Variants in MROH9 observed in about 807,000 individuals in gnomAD.
MROH9 encodes the protein maestro heat-like repeat-containing protein family member 9.
MROH9 carries 92 observed loss-of-function variants against 98.2 expected under a neutral mutation model. The observed-to-expected ratio is 0.94, with a 90% CI of 0.79 to 1.11. The LOEUF (loss-of-function observed/expected upper bound fraction) is 1.11, where lower values mean the gene tolerates loss of function less well. MROH9 is among the 50% of genes most tolerant of loss of function. MROH9 has a pLI of 0.00. For missense variants in MROH9, 1,057 were observed against 1,014.8 expected, an observed-to-expected ratio of 1.04 and a Z score of -0.57; for synonymous variants, 397 against 368.9, an observed-to-expected ratio of 1.08 and a Z score of -0.87.
intron 20 of MROH9, among the ~76,000 whole-genome samples, chr1:171,029,212 T>C (rs1246839943): frequency 6.6e-6 from 1 of 152,080 alleles, no homozygotes; most frequent in East Asian, 1.9e-4. Flanking sequence ...TCTAGTTTAT[T>C]AAGAGGGTTT....
chr1:171,033,599 A>C (rs866024427), intron 20 of MROH9, among the ~76,000 whole-genome samples: 2 of 152,110 alleles, frequency 1.3e-5, no homozygotes, highest in Non-Finnish European at 2.9e-5. Flanking sequence ...GTCAGTTCTG[A>C]TGAGAAAACC....
At chr1:171,026,983 A>G (rs986496316) in intron 20 of MROH9, among the ~76,000 whole-genome samples, 1 of 152,204 alleles carries the variant, frequency 6.6e-6, no homozygotes, top group African/African-American at 2.4e-5. Flanking sequence ...ACAACCAGCA[A>G]AAGAGAAAAT....
At chr1:171,024,360 ATAT>A (rs769293640) in intron 17 of MROH9, 32 bp from the exon 18 acceptor site, 7 of 1,544,250 alleles carry the variant, frequency 4.5e-6, no homozygotes, top group Non-Finnish European at 6.1e-6. Flanking sequence ...AAAAGCCCTA[ATAT>A]TATCCTCAAA....
intron 3 of MROH9, among the ~76,000 whole-genome samples, chr1:170,951,883 G>T (rs1326263205): frequency 6.6e-6 from 1 of 152,114 alleles, no homozygotes; most frequent in Non-Finnish European, 1.5e-5. Context: ...GCAGAAGCTG[G>T]CTCTTTTGCT....
At chr1:170,995,337 G>T in intron 12 of MROH9, 52 bp from the exon 13 acceptor site, 3 of 1,603,394 alleles carry the variant, frequency 1.9e-6, no homozygotes, top group Non-Finnish European at 1.7e-6. Flanking sequence ...AAGGTTGACC[G>T]GGTTTAGAGA....
chr1:170,964,514 C>T (rs902259166), intron 6 of MROH9, among the ~76,000 whole-genome samples: 6 of 152,020 alleles, frequency 3.9e-5, no homozygotes, highest in South Asian at 4.1e-4. Flanking sequence ...CTATTAATGG[C>T]GATTGGCATA....
intron 20 of MROH9, among the ~76,000 whole-genome samples, chr1:171,059,448 A>C (rs1394652423): frequency 6.6e-6 from 1 of 152,242 alleles, no homozygotes; most frequent in African/African-American, 2.4e-5. Flanking sequence ...GTGGGAATGT[A>C]GATTAGTTCA....
intron 20 of MROH9, among the ~76,000 whole-genome samples, chr1:171,049,396 G>A (rs1653581879): frequency 6.6e-6 from 1 of 152,148 alleles, no homozygotes; most frequent in Admixed American, 6.5e-5. Flanking sequence ...GCAGTTGTGA[G>A]GGAGAACACA....
At chr1:171,058,359 A>G (rs1450100890) in intron 20 of MROH9, among the ~76,000 whole-genome samples, 1 of 152,064 alleles carries the variant, frequency 6.6e-6, no homozygotes, top group African/African-American at 2.4e-5. Context: ...AAAAAAAAAA[A>G]AAGGAAAAAC....
At chr1:170,957,787 A>ATTTTTTTTTTTTTTTTTTTTT (rs1372647484) in intron 3 of MROH9, among the ~76,000 whole-genome samples, 1 of 128,002 alleles carries the variant, frequency 7.8e-6, no homozygotes, top group Non-Finnish European at 1.7e-5. Context: ...CCCTGCTGGC[A>ATTTTTTTTTTTTTTTTTTTTT]TTTTTTTGTT....
intron 1 of MROH9, 44 bp from the exon 2 acceptor site, chr1:170,945,475 AG>A: frequency 7.1e-7 from 1 of 1,408,740 alleles, no homozygotes; most frequent in East Asian, 2.3e-5. Context: ...ACAAAACTGT[AG>A]GAAAGTTTCT....
chr1:170,977,961 C>T (rs1650779508), intron 8 of MROH9, among the ~76,000 whole-genome samples: 1 of 152,134 alleles, frequency 6.6e-6, no homozygotes, highest in Non-Finnish European at 1.5e-5. Flanking sequence ...GACAGACTGG[C>T]CCCCTTTCTC....
intron 7 of MROH9, among the ~76,000 whole-genome samples, chr1:170,969,208 A>G (rs1650343379): frequency 6.6e-6 from 1 of 152,188 alleles, no homozygotes; most frequent in Non-Finnish European, 1.5e-5. Context: ...TGAACAAATA[A>G]AATCTAACAC....
rs1226192596 is a variant in MROH9 at position 171,016,310 on chromosome 1, T to A, written c.1882T>A (p.Ser628Thr). The A allele has an allele frequency of 8.5e-6, 13 of 1,533,520 alleles. No individual in the cohort carries two copies. The highest frequency in any genetic ancestry group is 4.1e-5 in the Admixed American group (2 of 48,306). The allele number at this position is 1,533,520 out of a possible 1,614,324, so 95.0% of individuals were successfully genotyped here. A position where few individuals can be genotyped will look rare whatever the true frequency, so the allele number is the denominator to read the frequency against. ...CTACTCTTTGGGTACCAGAATTGGT[T>A]CCAGCTACTGTACTCTGATGGATCA... ...VTYSLGTRIG[S>T]SYCTLMDHIN... The change falls in exon 17 of 22, where the codon TCC becomes ACC. Residue 628 changes from serine (S) to threonine (T), a missense_variant. Transcript: ENST00000367759.
chr1:170,957,695 C>T (rs980046438), intron 3 of MROH9, among the ~76,000 whole-genome samples: 1 of 151,908 alleles, frequency 6.6e-6, no homozygotes, highest in Non-Finnish European at 1.5e-5. Context: ...AGTGGAATCC[C>T]TTTAATTACC....
chr1:171,055,917 G>A (rs1488097361), intron 20 of MROH9, among the ~76,000 whole-genome samples: 2 of 152,140 alleles, frequency 1.3e-5, no homozygotes, highest in African/African-American at 4.8e-5. Context: ...GAGCAGAGGA[G>A]CCCCTACCCC....
chr1:171,048,081 C>G (rs922068240), intron 20 of MROH9, among the ~76,000 whole-genome samples: 1 of 152,164 alleles, frequency 6.6e-6, no homozygotes, highest in Non-Finnish European at 1.5e-5. Flanking sequence ...TGGCCACCAC[C>G]ACTCTGACTG....
At position 170,994,583 on chromosome 1, in the gene MROH9, G is replaced by A. The variant is rs143717596; in HGVS notation, c.1195-806G>A. On this transcript the variant is annotated intron_variant, in intron 12 of 21. Transcript: ENST00000367759. The stretch of plus-strand genomic sequence containing the variant: ...TCATAGAGAATGGGGTACCCATCCC[G>A]TCAAGCATTTATTCTTTGAATTATA... 6.3e-3 allele frequency among the ~76,000 whole-genome samples: 954 copies of A among 152,092 alleles called. 4 individuals carry two copies. The highest frequency in any genetic ancestry group is 0.016 in the African/African-American group (683 of 41,490).
chr1:171,033,071 T>A (rs1490350870), intron 20 of MROH9, among the ~76,000 whole-genome samples: 1 of 152,220 alleles, frequency 6.6e-6, no homozygotes, highest in African/African-American at 2.4e-5. Flanking sequence ...CCACAGCCAG[T>A]GTGTTGGGCT....
Sources: gnomAD v4.1 joint callset for allele counts (sites outside exome capture counted in the v4.1 genomes callset) on GRCh38, gnomAD v4.1.1 for gene constraint, MANE v1.5 for transcripts, NCBI Gene and HGNC (gene_info 2026-07-23, HGNC 2026-07-21) for gene names.